The following GALK2 variants were observed in gnomAD, a reference collection of about 807,000 sequenced individuals.
The protein encoded by GALK2 is galactokinase 2.
A neutral mutation model predicts 52.4 loss-of-function variants in GALK2; 36 were observed. The ratio of observed to expected loss-of-function variants is 0.69; its 90% CI spans 0.53 to 0.91. The LOEUF (loss-of-function observed/expected upper bound fraction) is 0.91, where lower values mean the gene tolerates loss of function less well. Ranked by LOEUF, GALK2 falls within the 40% of genes least tolerant of loss-of-function variation. The pLI is 0.00. For missense variants in GALK2, 579 were observed against 559.1 expected, an observed-to-expected ratio of 1.04 and a Z score of -0.36; for synonymous variants, 176 against 199.1, an observed-to-expected ratio of 0.88 and a Z score of 0.98.
At chr15:49,367,695 A>T (rs2045427972) in exon 4 of GALK2, 3 of 1,224,964 alleles carry the variant, frequency 2.4e-6, no homozygotes, top group Non-Finnish European at 3.3e-6. Flanking sequence ...TATTTAGCAT[A>T]AAGTTACCAT....
At chr15:49,363,279 T>C (rs1330025008) in intron 3 of GALK2, among the ~76,000 whole-genome samples, 1 of 152,198 alleles carries the variant, frequency 6.6e-6, no homozygotes, top group Non-Finnish European at 1.5e-5. Context: ...TCCACTTGTT[T>C]GTGTCATCTC....
intron 3 of GALK2, chr15:49,235,592 AC>A: frequency 1.7e-6 from 1 of 603,418 alleles, no homozygotes; most frequent in Admixed American, 2.1e-5. Context: ...GTTGTAGATT[AC>A]TCTGAAATAT....
At chr15:49,229,446 G>A (rs995053515) in intron 3 of GALK2, among the ~76,000 whole-genome samples, 6 of 152,176 alleles carry the variant, frequency 3.9e-5, no homozygotes, top group Non-Finnish European at 4.4e-5. Context: ...GTATTAGGCT[G>A]GGTGAGTTGG....
chr15:49,245,912 C>T lies in GALK2; in HGVS notation c.504+6545C>T, dbSNP rs182933735. Among the ~76,000 whole-genome samples the T allele has an allele frequency of 1.4e-3, 218 of 152,188 alleles. 1 individual carries two copies. The highest frequency in any genetic ancestry group is 1.6e-3 in the Non-Finnish European group (111 of 67,998). ...AACAATTAATATGGTTGTTAACAAG[C>T]AGTTACTTTATATAGTGATACCGGT... On this transcript the variant is annotated intron_variant, in intron 5 of 9. Transcript: ENST00000560031.
chr15:49,363,671 G>A (rs1366191480), intron 3 of GALK2, among the ~76,000 whole-genome samples: 2 of 152,172 alleles, frequency 1.3e-5, no homozygotes. Flanking sequence ...TTGAATAGGA[G>A]TGTTGAGAGT....
chr15:49,246,524 C>A (rs2091358929), intron 5 of GALK2, among the ~76,000 whole-genome samples: 1 of 152,050 alleles, frequency 6.6e-6, no homozygotes, highest in Admixed American at 6.5e-5. Context: ...GAAGAGAAAA[C>A]CCATATTATC....
chr15:49,296,604 CTT>C (rs60540720), intron 8 of GALK2, among the ~76,000 whole-genome samples: 9,254 of 147,588 alleles, frequency 0.063, 550 homozygotes, highest in African/African-American at 0.15. Flanking sequence ...GTGTCTTTTT[CTT>C]TTTTTTTTTT....
At chr15:49,278,135 C>T (rs572967662) in intron 5 of GALK2, among the ~76,000 whole-genome samples, 2 of 152,190 alleles carry the variant, frequency 1.3e-5, no homozygotes, top group East Asian at 1.9e-4. Flanking sequence ...GTGGCGGGCG[C>T]CTGTAGTCCC....
intron 3 of GALK2, among the ~76,000 whole-genome samples, chr15:49,341,950 G>A (rs774098288): frequency 6.6e-6 from 1 of 152,158 alleles, no homozygotes; most frequent in Non-Finnish European, 1.5e-5. Context: ...TTATGGCCGA[G>A]CATGTGGTTA....
chr15:49,311,500 C>T (rs2035988081), intron 8 of GALK2, among the ~76,000 whole-genome samples: 1 of 152,190 alleles, frequency 6.6e-6, no homozygotes, highest in Non-Finnish European at 1.5e-5. Flanking sequence ...TCTAAAAGCA[C>T]CTAATGGTTT....
intron 5 of GALK2, among the ~76,000 whole-genome samples, chr15:49,264,580 G>A (rs1184815561): frequency 1.3e-5 from 2 of 152,224 alleles, no homozygotes; most frequent in African/African-American, 4.8e-5. Flanking sequence ...GCTCGTCAAA[G>A]TCATTCTCCA....
chr15:49,198,345 C>T (rs28653543), intron 1 of GALK2, among the ~76,000 whole-genome samples: 89,400 of 151,962 alleles, frequency 0.59, 26,445 homozygotes, highest in Middle Eastern at 0.66. Flanking sequence ...AACTAAGATA[C>T]AATCATAACT....
intron 8 of GALK2, among the ~76,000 whole-genome samples, chr15:49,298,708 C>T (rs938909494): frequency 1.3e-5 from 2 of 152,044 alleles, no homozygotes; most frequent in Non-Finnish European, 2.9e-5. Context: ...GTGAATCACA[C>T]CTATTGATTT....
intron 1 of GALK2, among the ~76,000 whole-genome samples, chr15:49,186,407 A>T (rs1238530712): frequency 6.6e-6 from 1 of 151,874 alleles, no homozygotes; most frequent in Non-Finnish European, 1.5e-5. Flanking sequence ...AGTGACTCTG[A>T]TGCATTCTTC....
intron 5 of GALK2, among the ~76,000 whole-genome samples, chr15:49,258,790 ATATATGTGTGTGTG>A (rs1422889618): frequency 3.1e-4 from 36 of 115,534 alleles, no homozygotes; most frequent in African/African-American, 1.2e-3. Context: ...ATATATATAT[ATATATGTGTGTGTG>A]TGTGTGTGTG....
intron 3 of GALK2, among the ~76,000 whole-genome samples, chr15:49,360,860 C>T (rs80079494): frequency 6.6e-6 from 1 of 152,120 alleles, no homozygotes; most frequent in Non-Finnish European, 1.5e-5. Context: ...GACATAAGCA[C>T]TCCTGTGATG....
chr15:49,194,619 G>T (rs1325021955), intron 1 of GALK2, among the ~76,000 whole-genome samples: 1 of 149,038 alleles, frequency 6.7e-6, no homozygotes, highest in Admixed American at 6.7e-5. Flanking sequence ...TTTTGAGATG[G>T]AGTTTCACTG....
At chr15:49,294,605 G>A (rs976506429) in intron 8 of GALK2, among the ~76,000 whole-genome samples, 5 of 152,122 alleles carry the variant, frequency 3.3e-5, no homozygotes, top group African/African-American at 7.2e-5. Flanking sequence ...TTAACAAATC[G>A]TATTGACTTC....
chr15:49,364,753 T>C (rs2044832383), intron 3 of GALK2, among the ~76,000 whole-genome samples: 1 of 152,118 alleles, frequency 6.6e-6, no homozygotes. Flanking sequence ...TTATTTACAG[T>C]AAAACCCATT....
Sources: allele counts gnomAD v4.1 joint callset (sites outside exome capture counted in the v4.1 genomes callset), GRCh38; gene constraint gnomAD v4.1.1; transcripts MANE v1.5; gene names NCBI Gene and HGNC (gene_info 2026-07-23, HGNC 2026-07-21).